The following SLC7A8 variants were observed in gnomAD, a reference collection of about 807,000 sequenced individuals.
SLC7A8 encodes the protein large neutral amino acids transporter small subunit 2.
In SLC7A8, 30 loss-of-function variants were observed where a neutral mutation model predicts 51.2. The ratio of observed to expected loss-of-function variants is 0.59; its 90% CI spans 0.44 to 0.80. The LOEUF (loss-of-function observed/expected upper bound fraction) is 0.80, where lower values mean the gene tolerates loss of function less well. SLC7A8 is among the 30% of genes least tolerant of loss of function. The pLI, the probability that SLC7A8 is intolerant of heterozygous loss-of-function variation, is 0.00. For synonymous variants in SLC7A8, 257 were observed against 275.8 expected, an observed-to-expected ratio of 0.93 and a Z score of 0.67; for missense variants, 612 against 674.4, an observed-to-expected ratio of 0.91 and a Z score of 1.03.
intron 7 of SLC7A8, among the ~76,000 whole-genome samples, chr14:23,133,227 C>T (rs1215807581): frequency 1.3e-5 from 2 of 151,924 alleles, no homozygotes; most frequent in African/African-American, 2.4e-5. Context: ...CATTTGAGCC[C>T]GGAAGTTTGA....
At chr14:23,135,225 G>A (rs1377616755) in intron 7 of SLC7A8, among the ~76,000 whole-genome samples, 5 of 151,808 alleles carry the variant, frequency 3.3e-5, no homozygotes, top group African/African-American at 1.2e-4. Flanking sequence ...GTAGCTGGGA[G>A]TACAGGCACC....
At chr14:23,132,950 T>TAA (rs143025407) in intron 7 of SLC7A8, among the ~76,000 whole-genome samples, 2 of 150,676 alleles carry the variant, frequency 1.3e-5, no homozygotes, top group East Asian at 1.9e-4. Context: ...ATCTGCTTTT[T>TAA]AAAAAAAAAA....
chr14:23,147,070 G>T (rs2048801366), intron 3 of SLC7A8: 2 of 16,066 alleles, frequency 1.2e-4, no homozygotes, highest in Non-Finnish European at 1.6e-4. Flanking sequence ...GAAATGTGAG[G>T]GGCTTTTTAT....
At chr14:23,168,579 CAA>C (rs755845534) in intron 1 of SLC7A8, among the ~76,000 whole-genome samples, 14 of 152,278 alleles carry the variant, frequency 9.2e-5, no homozygotes, top group Non-Finnish European at 1.6e-4. Context: ...GAAAAACAAT[CAA>C]TAGCAGCAGA....
intron 3 of SLC7A8, among the ~76,000 whole-genome samples, chr14:23,163,208 G>C (rs1474016094): frequency 6.6e-6 from 1 of 152,172 alleles, no homozygotes; most frequent in Non-Finnish European, 1.5e-5. Context: ...ACTGTGCTGA[G>C]GGTGTCCCCT....
chr14:23,145,729 A>G (rs1355662456), intron 3 of SLC7A8, among the ~76,000 whole-genome samples: 2 of 151,944 alleles, frequency 1.3e-5, no homozygotes, highest in African/African-American at 2.4e-5. Flanking sequence ...GCGCACATCA[A>G]CCTCTTCTGC....
chr14:23,162,739 C>G (rs918325497), intron 3 of SLC7A8, among the ~76,000 whole-genome samples: 17 of 152,190 alleles, frequency 1.1e-4, no homozygotes, highest in African/African-American at 4.1e-4. Context: ...AAAGGCTACA[C>G]TACTTTGGAG....
intron 5 of SLC7A8, 107 bp from the exon 6 acceptor site, chr14:23,139,654 GCCTT>G: frequency 6.6e-6 from 9 of 1,367,562 alleles, no homozygotes; most frequent in Non-Finnish European, 7.8e-6. Context: ...TAGCCTTACA[GCCTT>G]CTGTGAGGCT....
At chr14:23,147,777 G>T (rs1164577772) in intron 3 of SLC7A8, among the ~76,000 whole-genome samples, 1 of 152,190 alleles carries the variant, frequency 6.6e-6, no homozygotes, top group East Asian at 1.9e-4. Flanking sequence ...CCAGTTTGAA[G>T]AACTCAACAT....
rs1347522689 is a variant in SLC7A8 at position 23,131,560 on chromosome 14, G to A, written c.1017-3C>T. On this transcript the variant is annotated splice_polypyrimidine_tract_variant and splice_region_variant and intron_variant, in intron 7 of 10. Transcript: ENST00000316902. ...CTCGGGCTCCAGCGAAGAACAGCCT[G>A]TCAGGGAGAAAAGCAGGTCAGCCTG... 1.9e-6 allele frequency: 3 copies of A among 1,596,810 alleles called. No homozygotes were observed. The highest frequency in any genetic ancestry group is 2.6e-6 in the Non-Finnish European group (3 of 1,172,134).
intron 8 of SLC7A8, chr14:23,130,066 A>T: frequency 2.4e-6 from 1 of 413,182 alleles, no homozygotes; most frequent in Non-Finnish European, 4.3e-6. Context: ...GATACTGGAC[A>T]TAAGCAGCTA....
rs527451671 is a variant in SLC7A8 at position 23,126,362 on chromosome 14, G to C, written c.*815C>G. ...GCAGGGGACTGCTCCTTCCTGCGGCGGGCAGGTGGAGTTGCTGAGCAGCTT... is the reference window on the plus strand; with the variant it reads ...GCAGGGGACTGCTCCTTCCTGCGGCCGGCAGGTGGAGTTGCTGAGCAGCTT... On this transcript the variant is annotated 3_prime_UTR_variant, in exon 11 of 11. Coordinates refer to ENST00000316902, the MANE Select transcript of SLC7A8 (RefSeq NM_012244.4). 6.5e-6 allele frequency: 1 copy of C among 152,982 alleles called. No individual in the cohort carries two copies. The highest frequency in any genetic ancestry group is 2.4e-5 in the African/African-American group (1 of 41,364). 9.5% of individuals were successfully genotyped at this position (152,982 alleles called of 1,614,324 possible).
rs1877230787 is a variant in SLC7A8 at position 23,182,626 on chromosome 14, G to C, written c.151+138C>G. On this transcript the variant is annotated intron_variant, in intron 1 of 10. Coordinates refer to ENST00000316902, the MANE Select transcript of SLC7A8 (RefSeq NM_012244.4). Reference sequence around the variant, plus strand: ...CTATGCCTCTCAAACTTGACCAGTGGAGGTGAGTTACAGCTCAGGTGACTG... The same window carrying C: ...CTATGCCTCTCAAACTTGACCAGTGCAGGTGAGTTACAGCTCAGGTGACTG... 9 of 864,720 alleles carry C rather than the reference G, an allele frequency of 1.0e-5. No homozygotes were observed. The South Asian group carries it at 2.0e-4, about 19-fold the overall frequency. 53.6% of individuals were successfully genotyped at this position (864,720 alleles called of 1,614,324 possible).
intron 3 of SLC7A8, among the ~76,000 whole-genome samples, chr14:23,156,142 G>T (rs1225150946): frequency 6.6e-6 from 1 of 151,980 alleles, no homozygotes; most frequent in Non-Finnish European, 1.5e-5. Context: ...GGGATTACAG[G>T]CATATGTCAC....
chr14:23,144,664 G>T (rs2048775590), intron 3 of SLC7A8, among the ~76,000 whole-genome samples: 1 of 152,060 alleles, frequency 6.6e-6, no homozygotes, highest in African/African-American at 2.4e-5. Context: ...AGGGTAGGAT[G>T]GTCCTGACAT....
chr14:23,182,634 T>G, intron 1 of SLC7A8, 130 bp downstream of exon 1: 1 of 1,008,472 alleles, frequency 9.9e-7, no homozygotes, highest in Non-Finnish European at 1.4e-6. Context: ...TGGAGGTGAG[T>G]TACAGCTCAG....
At chr14:23,155,716 C>T (rs983849719) in intron 3 of SLC7A8, among the ~76,000 whole-genome samples, 4 of 151,960 alleles carry the variant, frequency 2.6e-5, no homozygotes, top group Non-Finnish European at 4.4e-5. Flanking sequence ...GGCTGATGTC[C>T]CCCGAGACAT....
At chr14:23,127,840 C>T (rs985225620) in intron 10 of SLC7A8, among the ~76,000 whole-genome samples, 179 bp downstream of exon 10, 5 of 152,136 alleles carry the variant, frequency 3.3e-5, no homozygotes, top group Non-Finnish European at 7.3e-5. Flanking sequence ...GTTCTCTACC[C>T]TCAGAGGTCT....
At chr14:23,166,133 C>T (rs1045009766) in intron 2 of SLC7A8, among the ~76,000 whole-genome samples, 9 of 151,686 alleles carry the variant, frequency 5.9e-5, no homozygotes, top group African/African-American at 2.2e-4. Flanking sequence ...ACCTGGTCCT[C>T]CATCATTATC....
Sources: allele counts gnomAD v4.1 joint callset (sites outside exome capture counted in the v4.1 genomes callset), GRCh38; gene constraint gnomAD v4.1.1; transcripts MANE v1.5; gene names NCBI Gene and HGNC (gene_info 2026-07-23, HGNC 2026-07-21).